The following KIAA1549L variants were observed in gnomAD, a reference collection of about 807,000 sequenced individuals.
The protein encoded by KIAA1549L is KIAA1549 like, also known as UPF0606 protein KIAA1549L.
A neutral mutation model predicts 160.7 loss-of-function variants in KIAA1549L; 88 were observed. That is an observed-to-expected ratio of 0.55 (90% CI 0.46 to 0.65). The LOEUF (loss-of-function observed/expected upper bound fraction) is 0.65. Among genes scored for constraint, KIAA1549L ranks in the 30% least tolerant of loss-of-function variants. The pLI is 0.00. For missense variants in KIAA1549L, 2,258 were observed against 2,437.5 expected (o/e 0.93, Z 1.55); for synonymous variants, 950 against 976.7 (o/e 0.97, Z 0.51).
At chr11:33,558,051 C>T (rs1024714141) in intron 6 of KIAA1549L, among the ~76,000 whole-genome samples, 6 of 152,140 alleles carry the variant, frequency 3.9e-5, no homozygotes, top group African/African-American at 1.4e-4. Flanking sequence ...ATTACACATT[C>T]TATGCGTGTA....
chr11:33,428,483 A>G (rs1851165360), intron 1 of KIAA1549L, among the ~76,000 whole-genome samples: 1 of 146,342 alleles, frequency 6.8e-6, no homozygotes, highest in Admixed American at 6.9e-5. Flanking sequence ...CTAGTTTGTG[A>G]TGTTCCTCGC....
At chr11:33,505,336 T>C (rs943041006) in intron 1 of KIAA1549L, among the ~76,000 whole-genome samples, 11 of 152,218 alleles carry the variant, frequency 7.2e-5, no homozygotes. Context: ...ATGCCTCTTA[T>C]CTGTGCTTTT....
intron 1 of KIAA1549L, among the ~76,000 whole-genome samples, chr11:33,443,632 G>T (rs1240083607): frequency 6.6e-6 from 1 of 151,938 alleles, no homozygotes; most frequent in Non-Finnish European, 1.5e-5. Context: ...CTCACTAATA[G>T]CCAGATAGTT....
chr11:33,571,231 T>A (rs567445821), intron 9 of KIAA1549L, among the ~76,000 whole-genome samples: 83 of 151,804 alleles, frequency 5.5e-4, no homozygotes, highest in African/African-American at 1.9e-3. Flanking sequence ...TGCAGTTAGC[T>A]GAGATTGCAC....
At chr11:33,656,709 C>G (rs980843344) in intron 18 of KIAA1549L, among the ~76,000 whole-genome samples, 2 of 152,192 alleles carry the variant, frequency 1.3e-5, no homozygotes, top group African/African-American at 4.8e-5. Flanking sequence ...GACCACTGCC[C>G]TGGCCTTCCT....
intron 1 of KIAA1549L, among the ~76,000 whole-genome samples, chr11:33,497,944 G>C (rs1852857604): frequency 6.6e-6 from 1 of 152,130 alleles, no homozygotes; most frequent in Non-Finnish European, 1.5e-5. Flanking sequence ...CTGTGAGCAT[G>C]ATCTTGGAAA....
At position 33,543,297 on chromosome 11, in the gene KIAA1549L, G is replaced by A. The variant is rs777868127; in HGVS notation, c.1734G>A (p.Thr578=). ...GGAAGAATGAAGAGGCAAATGTGAC[G>A]ATTCCTCTCCAGGCCTTTCCAAGGA... ...ILGKNEEANV[T]IPLQAFPRKE... Residue 578 remains threonine (T), a synonymous_variant, in exon 2 of 21, where the codon ACG becomes ACA. Transcript: ENST00000658780. 13 of 1,613,924 alleles carry A rather than the reference G, an allele frequency of 8.1e-6. No individual in the cohort carries two copies. Among genetic ancestry groups the A allele is most frequent in the East Asian group, 2.2e-5 (1 of 44,902 alleles).
In KIAA1549L at chr11:33,645,814, G is replaced by A; in HGVS notation, c.5538G>A (p.Glu1846=). ...STLSSQPSID[E]VRQQMHMLLE... is the part of the protein sequence containing the mutation. ...TGAGCTCCCAGCCATCCATCGACGA[G>A]GTCAGGCAGCAGATGCACATGCTGC... The change falls in exon 17 of 21, where the codon GAG becomes GAA. Residue 1846 remains glutamate (E), a synonymous_variant. Transcript: ENST00000658780. The A allele has an allele frequency of 6.2e-7, 1 of 1,613,980 alleles. No individual in the cohort carries two copies. The highest frequency in any genetic ancestry group is 8.5e-7 in the Non-Finnish European group (1 of 1,179,898).
chr11:33,549,607 G>A (rs1854387004), intron 4 of KIAA1549L, among the ~76,000 whole-genome samples: 1 of 152,198 alleles, frequency 6.6e-6, no homozygotes, highest in African/African-American at 2.4e-5. Context: ...AGCACACAAT[G>A]TGGAGGAAGC....
At chr11:33,570,899 C>G (rs561417640) in intron 9 of KIAA1549L, among the ~76,000 whole-genome samples, 1 of 152,016 alleles carries the variant, frequency 6.6e-6, no homozygotes, top group Non-Finnish European at 1.5e-5. Flanking sequence ...GAGTGTGGAG[C>G]GAAAAGGGCA....
At chr11:33,400,784 T>C (rs1411477839) in intron 1 of KIAA1549L, among the ~76,000 whole-genome samples, 1 of 152,224 alleles carries the variant, frequency 6.6e-6, no homozygotes, top group Non-Finnish European at 1.5e-5. Context: ...TTTCCCATGA[T>C]CCAGACACTG....
intron 1 of KIAA1549L, among the ~76,000 whole-genome samples, chr11:33,501,868 G>C (rs1340702105): frequency 6.6e-6 from 1 of 152,136 alleles, no homozygotes; most frequent in Non-Finnish European, 1.5e-5. Context: ...GTTAGGTTCT[G>C]CCCAAGGTCG....
intron 16 of KIAA1549L, among the ~76,000 whole-genome samples, chr11:33,618,933 A>G (rs1228580316): frequency 6.6e-6 from 1 of 152,216 alleles, no homozygotes; most frequent in Non-Finnish European, 1.5e-5. Context: ...GATATTCTAA[A>G]TGCCCTTAAT....
chr11:33,531,932 A>G (rs1308703926), intron 1 of KIAA1549L, among the ~76,000 whole-genome samples: 3 of 152,140 alleles, frequency 2.0e-5, no homozygotes, highest in Non-Finnish European at 4.4e-5. Context: ...AGAGAGACAC[A>G]TCATCAAACT....
At chr11:33,503,458 T>C (rs1187944381) in intron 1 of KIAA1549L, among the ~76,000 whole-genome samples, 1 of 152,222 alleles carries the variant, frequency 6.6e-6, no homozygotes, top group East Asian at 1.9e-4. Flanking sequence ...GTGTTTCCAT[T>C]GAGAATATTT....
chr11:33,465,708 A>G (rs1029087431), intron 1 of KIAA1549L, among the ~76,000 whole-genome samples: 3 of 152,342 alleles, frequency 2.0e-5, no homozygotes, highest in African/African-American at 7.2e-5. Context: ...CAACCATCGG[A>G]TCTTCGACAA....
intron 1 of KIAA1549L, among the ~76,000 whole-genome samples, chr11:33,495,585 A>G (rs993504861): frequency 2.0e-5 from 3 of 152,224 alleles, no homozygotes; most frequent in African/African-American, 7.2e-5. Flanking sequence ...CGCAATAAGC[A>G]TATGCGTGCA....
chr11:33,404,739 G>A (rs936353133), intron 1 of KIAA1549L, among the ~76,000 whole-genome samples: 4 of 152,164 alleles, frequency 2.6e-5, no homozygotes, highest in Non-Finnish European at 4.4e-5. Context: ...GCTGGGCACA[G>A]TGGCTCACGC....
chr11:33,628,914 C>T (rs988104752), intron 16 of KIAA1549L, among the ~76,000 whole-genome samples: 21 of 151,842 alleles, frequency 1.4e-4, no homozygotes, highest in African/African-American at 2.4e-4. Context: ...GATTTTGCAT[C>T]GGCTGGTACC....
Sources: gnomAD v4.1 joint callset for allele counts (sites outside exome capture counted in the v4.1 genomes callset) on GRCh38, gnomAD v4.1.1 for gene constraint, MANE v1.5 for transcripts, NCBI Gene and HGNC (gene_info 2026-07-23, HGNC 2026-07-21) for gene names.